MBOAT7: variants seen among roughly 807,000 people sequenced by gnomAD.
MBOAT7 encodes membrane-bound acylglycerophosphatidylinositol O-acyltransferase MBOAT7.
In MBOAT7, 40 loss-of-function variants were observed where a neutral mutation model predicts 47.4. The observed-to-expected ratio is 0.84, with a 90% CI of 0.66 to 1.10. MBOAT7 has a LOEUF of 1.10. Among genes scored for constraint, MBOAT7 ranks in the 50% least tolerant of loss-of-function variants. The pLI is 0.00. For synonymous variants in MBOAT7, 361 were observed against 292.0 expected (o/e 1.24, Z -2.41); for missense variants, 680 against 655.6 (o/e 1.04, Z -0.41).
intron 3 of MBOAT7, 72 bp downstream of exon 3, chr19:54,188,145 A>C (rs1324184600): frequency 4.8e-6 from 7 of 1,467,206 alleles, no homozygotes; most frequent in Non-Finnish European, 6.4e-6. Flanking sequence ...AAGCTGAAAA[A>C]GACTCAAAGA....
chr19:54,181,170 C>G (rs1237782222), intron 5 of MBOAT7, 37 bp from the exon 6 acceptor site: 2 of 1,447,676 alleles, frequency 1.4e-6, no homozygotes, highest in African/African-American at 2.9e-5. Context: ...GTCAGACAGG[C>G]AGGTGGGCAG....
Position 54,180,644 on chromosome 19 carries a change from G to C in MBOAT7, c.854+129C>G, listed in dbSNP as rs2076235269. On this transcript the variant is annotated intron_variant, in intron 6 of 7. Transcript: ENST00000245615. The surrounding 1 kb of genome is among the most constrained non-coding windows in gnomAD (Gnocchi z 5.2). Reference sequence around the variant, plus strand: ...CTGGCAGGCCATGGTTGCCGAGGGGGCGACACTCTGCTCAAAAAGGTGGTG... The same window carrying C: ...CTGGCAGGCCATGGTTGCCGAGGGGCCGACACTCTGCTCAAAAAGGTGGTG... The C allele has an allele frequency of 3.5e-6, 3 of 867,438 alleles. No individual in the cohort carries two copies. The highest frequency in any genetic ancestry group is 3.0e-5 in the Admixed American group (1 of 33,268). 53.7% of individuals were successfully genotyped at this position (867,438 alleles called of 1,614,324 possible). A position where few individuals can be genotyped will look rare whatever the true frequency, so the allele number is the denominator to read the frequency against.
Position 54,181,041 on chromosome 19 carries a change from A to G in MBOAT7, c.586T>C (p.Trp196Arg). 6.5e-7 allele frequency: 1 copy of G among 1,548,184 alleles called. No individual in the cohort carries two copies. Among genetic ancestry groups the G allele is most frequent in the Non-Finnish European group, 8.7e-7 (1 of 1,146,566 alleles). Residue 196 changes from tryptophan (W) to arginine (R), a missense_variant, in exon 6 of 8, where the codon TGG (tryptophan) becomes CGG (arginine). Trp to Arg is a moderately radical substitution (Grantham distance 101, BLOSUM62 -3). Transcript: ENST00000245615. The stretch of plus-strand genomic sequence containing the variant: ...AGCAGGCCGAAGAGCGGGGCCGGCC[A>G]GGCGCGGCGCAGCAGGGGCCGCAGG... Reference protein sequence around the residue: ...PSLRPLLRRAWPAPLFGLLFL... With the variant: ...PSLRPLLRRARPAPLFGLLFL...
intron 7 of MBOAT7, among the ~76,000 whole-genome samples, chr19:54,177,900 GTTTTTTTTTTTTTTTTTT>G (rs761565984): frequency 2.6e-5 from 2 of 75,974 alleles, no homozygotes; most frequent in Non-Finnish European, 4.9e-5. Context: ...TTCTACTTCT[GTTTTTTTTTTTTTTTTTT>G]TTTTTTTTTT....
chr19:54,183,928 C>T (rs1298036647), intron 4 of MBOAT7, among the ~76,000 whole-genome samples: 2 of 152,150 alleles, frequency 1.3e-5, no homozygotes, highest in East Asian at 1.9e-4. Flanking sequence ...ACTATCCACA[C>T]GCTGAGGACG....
At chr19:54,176,284 TG>T (rs2076106451) in intron 7 of MBOAT7, among the ~76,000 whole-genome samples, 2 of 152,188 alleles carry the variant, frequency 1.3e-5, no homozygotes, top group Non-Finnish European at 2.9e-5. Context: ...CCATTGCACC[TG>T]GCCAACTCTT....
In MBOAT7 at chr19:54,178,866, G is replaced by A. The variant is rs149699444; in HGVS notation, c.930C>T (p.Cys310=). ...ACCGCATGCCATCGCGCACCCGCAC[G>A]CAGAAATCTGTGCTGTAGCAGTCGA... ...RNIDCYSTDF[C]VRVRDGMRYW... The change falls in exon 7 of 8, where the codon TGC becomes TGT. Residue 310 remains cysteine, a synonymous_variant. Transcript: ENST00000245615. The A allele has an allele frequency of 2.8e-4, 448 of 1,613,660 alleles. 2 individuals carry two copies. Among genetic ancestry groups the A allele is most frequent in the South Asian group, 2.2e-3 (204 of 91,086 alleles).
At position 54,180,714 on chromosome 19, in the gene MBOAT7, G is replaced by C; in HGVS notation, c.854+59C>G. 4.9e-6 allele frequency: 7 copies of C among 1,430,788 alleles called. No homozygotes were observed. Among genetic ancestry groups the C allele is most frequent in the Non-Finnish European group, 6.4e-6 (7 of 1,092,268 alleles). 88.6% of individuals were successfully genotyped at this position (1,430,788 alleles called of 1,614,324 possible). Reference sequence around the variant, plus strand: ...CGCTCTCCTCCCGGCTAGGGGCAGAGCCAGCCCTTGGAGGTGGGGGCTGCT... The same window carrying C: ...CGCTCTCCTCCCGGCTAGGGGCAGACCCAGCCCTTGGAGGTGGGGGCTGCT... On this transcript the variant is annotated intron_variant, in intron 6 of 7. Coordinates refer to ENST00000245615, the MANE Select transcript of MBOAT7 (RefSeq NM_024298.5). The surrounding 1 kb of genome is among the most constrained non-coding windows in gnomAD (Gnocchi z 5.2).
intron 5 of MBOAT7, among the ~76,000 whole-genome samples, chr19:54,181,351 C>G (rs2076266415): frequency 6.6e-6 from 1 of 151,920 alleles, no homozygotes; most frequent in Admixed American, 6.6e-5. Context: ...GAGACAGAGA[C>G]AGTAACAGAA....
In MBOAT7 at chr19:54,178,908, A is replaced by G. The variant is rs1185351882; in HGVS notation, c.888T>C (p.Tyr296=). 6.2e-7 allele frequency: 1 copy of G among 1,612,408 alleles called. No individual in the cohort carries two copies. The highest frequency in any genetic ancestry group is 8.5e-7 in the Non-Finnish European group (1 of 1,179,170). The part of the protein sequence containing the change: ...PEKAASLEYD[Y]ETIRNIDCYS... ...AGCAGTCGATGTTGCGGATGGTCTC[A>G]TAGTCATACTCCAAGGAAGCCGCCT... is the stretch of plus-strand genomic sequence containing the variant. Residue 296 remains tyrosine, a synonymous_variant, in exon 7 of 8, where the codon TAT becomes TAC. Coordinates refer to ENST00000245615, the MANE Select transcript of MBOAT7 (RefSeq NM_024298.5).
intron 4 of MBOAT7, 134 bp downstream of exon 4, chr19:54,187,027 G>T: frequency 1.8e-6 from 2 of 1,105,698 alleles, no homozygotes; most frequent in Non-Finnish European, 2.5e-6. Context: ...GCCCAGGGCA[G>T]CAAGTGAGGT....
At chr19:54,181,224 T>C (rs2076262407) in intron 5 of MBOAT7, 91 bp from the exon 6 acceptor site, 2 of 1,398,698 alleles carry the variant, frequency 1.4e-6, no homozygotes, top group African/African-American at 3.0e-5. Flanking sequence ...GGAAGGAAGG[T>C]GGGAAGAGGG....
chr19:54,185,118 G>A (rs2076395917), intron 4 of MBOAT7, among the ~76,000 whole-genome samples: 1 of 151,724 alleles, frequency 6.6e-6, no homozygotes, highest in Non-Finnish European at 1.5e-5. Context: ...GCTGAGGCAG[G>A]AGAATCGCTC....
rs770522908 is a variant in MBOAT7 at position 54,173,801 on chromosome 19, G to A, written c.*243C>T. The A allele has an allele frequency of 4.2e-6, 2 of 471,276 alleles. No homozygotes were observed. Among genetic ancestry groups the A allele is most frequent in the Non-Finnish European group, 7.4e-6 (2 of 271,422 alleles). 29.2% of individuals were successfully genotyped at this position (471,276 alleles called of 1,614,324 possible). A position where few individuals can be genotyped will look rare whatever the true frequency, so the allele number is the denominator to read the frequency against. Reference sequence around the variant, plus strand: ...GTGCTCTCTGGATACCCAGAAGCTGGAGCAGGGGCCAGTGACTCTTGTCTG... The same window carrying A: ...GTGCTCTCTGGATACCCAGAAGCTGAAGCAGGGGCCAGTGACTCTTGTCTG... On this transcript the variant is annotated 3_prime_UTR_variant, in exon 8 of 8. Transcript: ENST00000245615.
At chr19:54,174,802 C>T (rs562616013) in intron 7 of MBOAT7, among the ~76,000 whole-genome samples, 15 of 152,264 alleles carry the variant, frequency 9.9e-5, no homozygotes, top group South Asian at 4.2e-4. Context: ...ACCCTAGCTC[C>T]GGAAGGCGGA....
Position 54,178,849 on chromosome 19 carries a change from C to T in MBOAT7, c.947G>A (p.Gly316Asp), listed in dbSNP as rs761381990. Reference sequence around the variant, plus strand: ...CACCGTCATGTTCCAGTACCGCATGCCATCGCGCACCCGCACGCAGAAATC... The same window carrying T: ...CACCGTCATGTTCCAGTACCGCATGTCATCGCGCACCCGCACGCAGAAATC... ...STDFCVRVRD[G>D]MRYWNMTVQW... Residue 316 changes from glycine to aspartate, a missense_variant, in exon 7 of 8, where the codon GGC (glycine) becomes GAC (aspartate). Physicochemically the swap from Gly to Asp is moderately conservative, Grantham distance 94. Transcript: ENST00000245615. 1.9e-6 allele frequency: 3 copies of T among 1,613,728 alleles called. No individual in the cohort carries two copies. Among genetic ancestry groups the T allele is most frequent in the Admixed American group, 3.3e-5 (2 of 60,030 alleles).
At chr19:54,179,950 C>T (rs114337933) in intron 6 of MBOAT7, 3,035 of 152,378 alleles carry the variant, frequency 0.02, 99 homozygotes, top group African/African-American at 0.064. Context: ...GGTGCCATCT[C>T]CCTAGCAACA....
rs560327525 is a variant in MBOAT7, at chr19:54,174,011, G to A, written c.*33C>T. On this transcript the variant is annotated 3_prime_UTR_variant, in exon 8 of 8. Coordinates refer to ENST00000245615, the MANE Select transcript of MBOAT7 (RefSeq NM_024298.5). Reference sequence around the variant, plus strand: ...CAGCAGCCTGGTTCACAGAATTCCCGGGACCAGCTGGCAGAGGGAGCGTCG... The same window carrying A: ...CAGCAGCCTGGTTCACAGAATTCCCAGGACCAGCTGGCAGAGGGAGCGTCG... 25 of 1,537,830 alleles carry A rather than the reference G, an allele frequency of 1.6e-5. No homozygotes were observed. The Admixed American group carries it at 2.1e-4, about 13-fold the overall frequency.
chr19:54,184,058 A>G (rs1423984887), intron 4 of MBOAT7, among the ~76,000 whole-genome samples: 2 of 152,002 alleles, frequency 1.3e-5, no homozygotes. Flanking sequence ...CCACCCCACA[A>G]GGTAGACCCT....
Sources: allele counts gnomAD v4.1 joint callset (sites outside exome capture counted in the v4.1 genomes callset), GRCh38; gene constraint gnomAD v4.1.1; non-coding constraint Gnocchi (gnomAD v3.1); transcripts MANE v1.5; gene names NCBI Gene and HGNC (gene_info 2026-07-23, HGNC 2026-07-21).